DEUP1: variants seen among roughly 807,000 people sequenced by gnomAD.
DEUP1 encodes the protein coiled-coil domain containing 67.
A neutral mutation model predicts 87.4 loss-of-function variants in DEUP1; 82 were observed. That is an observed-to-expected ratio of 0.94 (90% CI 0.78 to 1.13). DEUP1 has a LOEUF of 1.13. DEUP1 is among the 50% of genes most tolerant of loss of function. DEUP1 has a pLI of 0.00. For synonymous variants in DEUP1, 214 were observed against 222.7 expected (o/e 0.96, Z 0.35); for missense variants, 663 against 681.5 (o/e 0.97, Z 0.30).
At chr11:93,365,657 G>GTT (rs1945377981) in intron 5 of DEUP1, among the ~76,000 whole-genome samples, 1 of 151,882 alleles carries the variant, frequency 6.6e-6, no homozygotes, top group Non-Finnish European at 1.5e-5. Context: ...AAATATTTAC[G>GTT]TTATATATAT....
intron 12 of DEUP1, among the ~76,000 whole-genome samples, chr11:93,409,305 A>T (rs1947369292): frequency 6.6e-6 from 1 of 152,186 alleles, no homozygotes; most frequent in Non-Finnish European, 1.5e-5. Context: ...TTATTCCCAT[A>T]CTCTGTAAAA....
At chr11:93,336,311 C>T (rs1030044537) in intron 2 of DEUP1, among the ~76,000 whole-genome samples, 1 of 152,054 alleles carries the variant, frequency 6.6e-6, no homozygotes, top group Non-Finnish European at 1.5e-5. Context: ...GGGGGAAGTT[C>T]GCCCTCATGA....
chr11:93,432,013 G>A (rs922400684), intron 13 of DEUP1, among the ~76,000 whole-genome samples: 2 of 152,180 alleles, frequency 1.3e-5, no homozygotes, highest in African/African-American at 2.4e-5. Flanking sequence ...TCTGATATTC[G>A]AGGGAGAGAT....
At chr11:93,432,986 G>A (rs1948147492) in intron 13 of DEUP1, among the ~76,000 whole-genome samples, 1 of 151,974 alleles carries the variant, frequency 6.6e-6, no homozygotes, top group Non-Finnish European at 1.5e-5. Flanking sequence ...TGCCTATCTT[G>A]GATAATTTCA....
chr11:93,344,580 C>T (rs189583335), intron 2 of DEUP1, among the ~76,000 whole-genome samples: 2 of 152,198 alleles, frequency 1.3e-5, no homozygotes, highest in Non-Finnish European at 2.9e-5. Context: ...ACGCTCCACA[C>T]CCATTTCTAT....
At chr11:93,389,189 TAA>T (rs75547341) in intron 9 of DEUP1, 64 bp downstream of exon 9, 2 of 858,506 alleles carry the variant, frequency 2.3e-6, no homozygotes, top group Non-Finnish European at 1.8e-6. Flanking sequence ...CAAAGGGAGT[TAA>T]AAAAAAATCT....
intron 4 of DEUP1, among the ~76,000 whole-genome samples, chr11:93,363,121 A>G (rs1489098668): frequency 6.6e-6 from 1 of 151,932 alleles, no homozygotes; most frequent in African/African-American, 2.4e-5. Context: ...AAAAAATACA[A>G]TCCCAAAAGG....
At chr11:93,415,280 G>C in intron 13 of DEUP1, 166 bp downstream of exon 13, 1 of 385,736 alleles carries the variant, frequency 2.6e-6, no homozygotes, top group Non-Finnish European at 4.8e-6. Context: ...CCTATCTACA[G>C]AAGGAAAAGA....
chr11:93,401,000 T>A (rs989586906), intron 11 of DEUP1, among the ~76,000 whole-genome samples: 6 of 152,032 alleles, frequency 3.9e-5, no homozygotes, highest in African/African-American at 1.4e-4. Context: ...AAGGAAGAAG[T>A]CAAATGAGCC....
chr11:93,410,289 T>C (rs2605579), intron 12 of DEUP1, among the ~76,000 whole-genome samples: 68,430 of 151,692 alleles, frequency 0.45, 16,228 homozygotes, highest in Admixed American at 0.61. Flanking sequence ...TGTGGTGGGG[T>C]GTTGGTAGTG....
At chr11:93,417,539 A>G (rs1208377851) in intron 13 of DEUP1, among the ~76,000 whole-genome samples, 3 of 152,276 alleles carry the variant, frequency 2.0e-5, no homozygotes, top group Non-Finnish European at 2.9e-5. Context: ...GAGGATACAA[A>G]CAAATGGAAG....
chr11:93,415,631 C>A (rs897696986), intron 13 of DEUP1, among the ~76,000 whole-genome samples: 46 of 151,990 alleles, frequency 3.0e-4, no homozygotes, highest in African/African-American at 1.0e-3. Flanking sequence ...CCCTTCCAGT[C>A]TCTACTTCTG....
At chr11:93,433,364 T>G (rs974256506) in intron 13 of DEUP1, among the ~76,000 whole-genome samples, 1 of 152,044 alleles carries the variant, frequency 6.6e-6, no homozygotes, top group African/African-American at 2.4e-5. Context: ...AAAACTTTTT[T>G]AAAAAAGAGC....
At chr11:93,435,868 C>T (rs1406007365) in intron 13 of DEUP1, among the ~76,000 whole-genome samples, 7 of 151,878 alleles carry the variant, frequency 4.6e-5, no homozygotes, top group South Asian at 2.1e-4. Flanking sequence ...TGGTGGCGGG[C>T]GCCTGTAGTC....
chr11:93,418,078 G>C (rs1245402492), intron 13 of DEUP1, among the ~76,000 whole-genome samples: 4 of 152,132 alleles, frequency 2.6e-5, no homozygotes, highest in Admixed American at 6.6e-5. Flanking sequence ...CATAAAAACT[G>C]TAGAAGAAAA....
intron 2 of DEUP1, among the ~76,000 whole-genome samples, chr11:93,334,206 A>G (rs1408437384): frequency 6.6e-6 from 1 of 152,164 alleles, no homozygotes; most frequent in Non-Finnish European, 1.5e-5. Flanking sequence ...TCAGTCCCAC[A>G]TGCTATTGAG....
At chr11:93,385,307 A>G in intron 7 of DEUP1, 91 bp from the exon 8 acceptor site, 1 of 1,167,568 alleles carries the variant, frequency 8.6e-7, no homozygotes, top group South Asian at 1.4e-5. Flanking sequence ...GTTTAAAATT[A>G]GGCTGGTTTA....
intron 2 of DEUP1, among the ~76,000 whole-genome samples, chr11:93,335,181 GT>G: frequency 1.4e-5 from 2 of 144,438 alleles, no homozygotes; most frequent in South Asian, 2.3e-4. Context: ...TTTACAAAAT[GT>G]AATTTCAAGG....
At position 93,438,343 on chromosome 11, in the gene DEUP1, G is replaced by A. The variant is rs895781130; in HGVS notation, c.*624G>A. ...TAAAATATATGTGCCAAAAATTAAC[G>A]CTTTTTTGTTAGTACTAATTACTTC... On this transcript the variant is annotated 3_prime_UTR_variant, in exon 14 of 14. Transcript: ENST00000298050. 2.0e-5 allele frequency: 3 copies of A among 151,978 alleles called. No individual in the cohort carries two copies. The highest frequency in any genetic ancestry group is 2.9e-5 in the Non-Finnish European group (2 of 68,004). 9.4% of individuals were successfully genotyped at this position (151,978 alleles called of 1,614,324 possible).
Sources: gnomAD v4.1 joint callset for allele counts (sites outside exome capture counted in the v4.1 genomes callset) on GRCh38, gnomAD v4.1.1 for gene constraint, MANE v1.5 for transcripts, NCBI Gene and HGNC (gene_info 2026-07-23, HGNC 2026-07-21) for gene names.